The following RIF1 variants were observed in gnomAD, a reference collection of about 807,000 sequenced individuals.
The protein encoded by RIF1 is replication timing regulatory factor 1, also known as telomere-associated protein RIF1.
In RIF1, 45 loss-of-function variants were observed where a neutral mutation model predicts 247.1. The observed-to-expected ratio is 0.18, with a 90% confidence interval of 0.14 to 0.23. The LOEUF (loss-of-function observed/expected upper bound fraction) is 0.23. Ranked by LOEUF, RIF1 falls within the 10% of genes least tolerant of loss-of-function variation. The probability of loss-of-function intolerance (pLI) is 1.00; values close to 1 mark genes in which losing one functional copy is unlikely to be tolerated. For missense variants in RIF1, 2,967 were observed against 2,862.5 expected (o/e 1.04, Z -0.83); for synonymous variants, 1,087 against 978.8 (o/e 1.11, Z -2.06).
chr2:151,512,002 T>C (rs1236160294), downstream of RIF1, among the ~76,000 whole-genome samples: 1 of 149,290 alleles, frequency 6.7e-6, no homozygotes, highest in Non-Finnish European at 1.5e-5. Context: ...TCCTGCATCA[T>C]AGGTTACCCT....
chr2:151,424,895 C>G (rs560970234), intron 8 of RIF1, among the ~76,000 whole-genome samples: 22 of 126,718 alleles, frequency 1.7e-4, no homozygotes, highest in Admixed American at 6.8e-4. Context: ...CCGTGCTGCT[C>G]AGGCTGGTCT....
intron 26 of RIF1, among the ~76,000 whole-genome samples, 173 bp from the exon 27 acceptor site, chr2:151,460,961 TATTA>T (rs1337308744): frequency 3.9e-5 from 6 of 152,218 alleles, no homozygotes; most frequent in African/African-American, 1.4e-4. Context: ...TCTTAGTATT[TATTA>T]GAGGCAGAAA....
At position 151,452,880 on chromosome 2, in the gene RIF1, AC is replaced by A. The variant is rs1198739105; in HGVS notation, c.2344+1176del. On this transcript the variant is annotated intron_variant, in intron 21 of 35. Coordinates refer to ENST00000444746, the MANE Select transcript of RIF1 (RefSeq NM_018151.5). ...ATATCCAATTCAGGAACCCACAGTT[AC>A]AAATGTCTTTTCCACTCCGTGTCCA... Among the ~76,000 whole-genome samples the A allele has an allele frequency of 2.6e-5, 4 of 152,214 alleles. No individual in the cohort carries two copies. In the South Asian group the frequency reaches 8.3e-4, roughly 32 times the overall value.
intron 3 of RIF1, among the ~76,000 whole-genome samples, chr2:151,413,533 A>T (rs1297277214): frequency 6.6e-6 from 1 of 152,228 alleles, no homozygotes; most frequent in East Asian, 1.9e-4. Flanking sequence ...TGTGTCTAGG[A>T]ATCTACAACA....
chr2:151,460,638 T>A (rs1404472965), intron 26 of RIF1, among the ~76,000 whole-genome samples: 1 of 150,932 alleles, frequency 6.6e-6, no homozygotes, highest in Non-Finnish European at 1.5e-5. Flanking sequence ...ATGGCCCTGG[T>A]GAAATGAAAG....
At chr2:151,514,788 G>T in the RIF1 span, 1 of 1,410,596 alleles carries the variant, frequency 7.1e-7, no homozygotes, top group Non-Finnish European at 9.8e-7. Context: ...TTTGGATTAA[G>T]AGGGAAAGAA....
chr2:151,431,671 C>A (rs763319618), intron 9 of RIF1, among the ~76,000 whole-genome samples: 7 of 152,126 alleles, frequency 4.6e-5, no homozygotes, highest in Non-Finnish European at 1.0e-4. Flanking sequence ...CCTGTAATCC[C>A]AGCTACTTGG....
At chr2:151,445,521 C>T in intron 19 of RIF1, 76 bp downstream of exon 19, 1 of 801,418 alleles carries the variant, frequency 1.2e-6, no homozygotes, top group Admixed American at 2.1e-5. Context: ...TTATAATCAG[C>T]TTCCACAATG....
rs567755362 is a variant in RIF1 at position 151,488,478 on chromosome 2, CAAA to C, written c.*415+5160_*415+5162del. Among the ~76,000 whole-genome samples, 329 of 95,722 alleles carry C rather than the reference CAAA, an allele frequency of 3.4e-3. 7 individuals carry two copies. In the East Asian group the frequency reaches 0.059, roughly 17 times the overall value. The allele number at this position is 95,722 out of a possible 152,430, so 62.8% of individuals were successfully genotyped here. On this transcript the variant is annotated intron_variant and NMD_transcript_variant, in intron 9 of 13. Transcript: ENST00000454583. ...CCTGGGCAACATAGTGAGCCTCTAC[CAAA>C]AAAAAAAAAAAAAAAATTAGCCTAG...
chr2:151,425,461 G>T (rs1368159419), intron 8 of RIF1, among the ~76,000 whole-genome samples: 1 of 151,994 alleles, frequency 6.6e-6, no homozygotes, highest in Admixed American at 6.6e-5. Context: ...GCCAAATCCA[G>T]TGTCATTTTT....
intron 10 of RIF1, chr2:151,497,944 GTTA>G: frequency 6.9e-7 from 1 of 1,444,190 alleles, no homozygotes; most frequent in Non-Finnish European, 9.0e-7. Context: ...AGTTATCCAT[GTTA>G]TTTTTTTTCA....
At chr2:151,461,766 A>G (rs1696212943) in intron 27 of RIF1, among the ~76,000 whole-genome samples, 1 of 152,206 alleles carries the variant, frequency 6.6e-6, no homozygotes, top group Admixed American at 6.5e-5. Flanking sequence ...CTACCTAGTA[A>G]TGTACCAAAT....
At chr2:151,456,548 A>G (rs368311161) in intron 22 of RIF1, 30 bp from the exon 23 acceptor site, 3 of 1,265,830 alleles carry the variant, frequency 2.4e-6, no homozygotes, top group Non-Finnish European at 3.4e-6. Flanking sequence ...TTGCAGAAAT[A>G]TAAATGGTAT....
chr2:151,442,969 G>C (rs1217074207), intron 16 of RIF1, among the ~76,000 whole-genome samples: 1 of 151,482 alleles, frequency 6.6e-6, no homozygotes, highest in Non-Finnish European at 1.5e-5. Flanking sequence ...GTAGAGATGG[G>C]GTTTCACTGT....
the RIF1 span, chr2:151,532,100 T>C: frequency 4.5e-5 from 21 of 467,614 alleles, no homozygotes; most frequent in Non-Finnish European, 6.4e-5. Flanking sequence ...TAATTTCCTT[T>C]TTTTGTTTCC....
intron 34 of RIF1, among the ~76,000 whole-genome samples, chr2:151,473,590 GTTCT>G (rs991747963): frequency 2.0e-5 from 3 of 151,838 alleles, no homozygotes; most frequent in African/African-American, 7.3e-5. Context: ...AGAAAATTGT[GTTCT>G]TTTTTTTAAA....
At chr2:151,525,116 C>G in the RIF1 span, 4 of 1,314,282 alleles carry the variant, frequency 3.0e-6, no homozygotes, top group Non-Finnish European at 4.4e-6. Context: ...AATCTGGGTT[C>G]CACTGCTTCA....
At chr2:151,504,672 A>G (rs375024246) in intron 12 of RIF1, among the ~76,000 whole-genome samples, 1 of 152,296 alleles carries the variant, frequency 6.6e-6, no homozygotes, top group East Asian at 1.9e-4. Flanking sequence ...GCCATAAACT[A>G]TTTCCCAAAC....
Position 151,490,495 on chromosome 2 carries a change from C to A in RIF1, c.*416-4734C>A, listed in dbSNP as rs121913662. 6.2e-7 allele frequency: 1 copy of A among 1,609,340 alleles called. No individual in the cohort carries two copies. Among genetic ancestry groups the A allele is most frequent in the South Asian group, 1.1e-5 (1 of 89,678 alleles). ...AGTGCACTGGCAGATCGTGACTGCT[C>A]CCGGCTCCGGCGCTGAGCTTGGACT... On this transcript the variant is annotated intron_variant and NMD_transcript_variant, in intron 9 of 13. Coordinates refer to the RIF1 transcript ENST00000454583.
Sources: gnomAD v4.1 joint callset for allele counts (sites outside exome capture counted in the v4.1 genomes callset) on GRCh38, gnomAD v4.1.1 for gene constraint, MANE v1.5 for transcripts, NCBI Gene and HGNC (gene_info 2026-07-23, HGNC 2026-07-21) for gene names.